Variants in CEP128 observed in about 807,000 individuals in gnomAD.
The protein encoded by CEP128 is centrosomal protein 128, also known as centrosomal protein 128kDa.
Under a neutral mutation model 156.7 loss-of-function variants are expected in CEP128, and 132 were observed. The observed-to-expected ratio is 0.84, with a 90% CI of 0.73 to 0.97. CEP128 has a LOEUF of 0.97. Ranked by LOEUF, CEP128 falls within the 50% of genes least tolerant of loss-of-function variation. The pLI, the probability that CEP128 is intolerant of heterozygous loss-of-function variation, is 0.00. For synonymous variants in CEP128, 469 were observed against 448.9 expected (o/e 1.04, Z -0.57); for missense variants, 1,252 against 1,281.9 (o/e 0.98, Z 0.36).
chr14:80,502,664 T>C (rs907763993), intron 24 of CEP128, among the ~76,000 whole-genome samples: 1 of 152,172 alleles, frequency 6.6e-6, no homozygotes, highest in African/African-American at 2.4e-5. Flanking sequence ...TTGTTAAATG[T>C]AGTGGATTTA....
At chr14:80,831,343 G>T in intron 12 of CEP128, 49 bp from the exon 13 acceptor site, 1 of 1,582,394 alleles carries the variant, frequency 6.3e-7, no homozygotes, top group Non-Finnish European at 8.7e-7. Context: ...ATTCACAGAA[G>T]AATGTACTTT....
At chr14:80,719,654 T>C (rs1897740097) in intron 19 of CEP128, among the ~76,000 whole-genome samples, 2 of 152,102 alleles carry the variant, frequency 1.3e-5, no homozygotes, top group Non-Finnish European at 2.9e-5. Context: ...CAGAATTCAT[T>C]AGAAGAAAGA....
intron 19 of CEP128, among the ~76,000 whole-genome samples, chr14:80,729,058 G>GGGGGGGTGT (rs1898141728): frequency 2.9e-5 from 3 of 105,024 alleles, no homozygotes; most frequent in African/African-American, 1.5e-4. Flanking sequence ...GGCTGGTGGG[G>GGGGGGGTGT]GTGTGTGTGT....
chr14:80,807,200 A>T (rs1231269058), intron 13 of CEP128, among the ~76,000 whole-genome samples: 1 of 152,174 alleles, frequency 6.6e-6, no homozygotes, highest in Non-Finnish European at 1.5e-5. Flanking sequence ...TCAAATAATT[A>T]AAGTAAAATC....
At chr14:80,577,955 A>T (rs192737479) in intron 20 of CEP128, among the ~76,000 whole-genome samples, 1 of 152,252 alleles carries the variant, frequency 6.6e-6, no homozygotes, top group Admixed American at 6.5e-5. Context: ...CCTAGTTATC[A>T]TTCCAACATT....
intron 13 of CEP128, among the ~76,000 whole-genome samples, chr14:80,811,697 GTGTGTGTT>G (rs139155529): frequency 0.064 from 9,739 of 151,694 alleles, 1,027 homozygotes; most frequent in African/African-American, 0.22. Flanking sequence ...GTGTGTGTGT[GTGTGTGTT>G]TGAGAGTGTG....
chr14:80,869,207 G>C (rs1887914286), intron 8 of CEP128, among the ~76,000 whole-genome samples: 1 of 151,882 alleles, frequency 6.6e-6, no homozygotes, highest in Admixed American at 6.6e-5. Flanking sequence ...ACATTCTCCA[G>C]GATAGATCAT....
At chr14:80,687,216 C>T (rs1477042263) in intron 19 of CEP128, among the ~76,000 whole-genome samples, 1 of 152,084 alleles carries the variant, frequency 6.6e-6, no homozygotes, top group African/African-American at 2.4e-5. Context: ...GAAATCATAA[C>T]AAACACTCTC....
intron 19 of CEP128, among the ~76,000 whole-genome samples, chr14:80,737,903 G>GATGATAA (rs1466331480): frequency 6.6e-6 from 1 of 151,934 alleles, no homozygotes; most frequent in African/African-American, 2.4e-5. Context: ...CAATCAATCC[G>GATGATAA]ATGATAAATT....
At chr14:80,511,979 T>G (rs1701841053) in intron 23 of CEP128, among the ~76,000 whole-genome samples, 1 of 152,068 alleles carries the variant, frequency 6.6e-6, no homozygotes, top group Admixed American at 6.5e-5. Context: ...TAAAGAACTG[T>G]TTTGTGCCAA....
At chr14:80,814,815 T>C (rs1884755932) in intron 13 of CEP128, among the ~76,000 whole-genome samples, 1 of 152,124 alleles carries the variant, frequency 6.6e-6, no homozygotes, top group South Asian at 2.1e-4. Flanking sequence ...TCCCAGCACT[T>C]TGGGAGGCTG....
At chr14:80,876,600 A>AG (rs1595533668) in intron 8 of CEP128, among the ~76,000 whole-genome samples, 2 of 151,614 alleles carry the variant, frequency 1.3e-5, no homozygotes, top group East Asian at 3.9e-4. Flanking sequence ...CCCATTTCAA[A>AG]AAAAAAAAAA....
intron 14 of CEP128, among the ~76,000 whole-genome samples, chr14:80,792,182 G>A (rs754303079): frequency 3.2e-4 from 48 of 152,178 alleles, no homozygotes; most frequent in Admixed American, 1.3e-4. Context: ...AGTGAAATGC[G>A]TTTTGTTGCT....
At chr14:80,871,307 T>C (rs1020459997) in intron 8 of CEP128, among the ~76,000 whole-genome samples, 4 of 152,248 alleles carry the variant, frequency 2.6e-5, no homozygotes, top group Admixed American at 2.6e-4. Context: ...AGGGACCAAC[T>C]TCATTGGATG....
intron 20 of CEP128, among the ~76,000 whole-genome samples, chr14:80,560,025 A>C (rs1890602296): frequency 6.6e-6 from 1 of 152,232 alleles, no homozygotes; most frequent in South Asian, 2.1e-4. Context: ...TCTTCACCAA[A>C]TAAAGACTGA....
rs540593415 is a variant in CEP128 at position 80,563,524 on chromosome 14, C to CTTTTTTTTTTTTTTTTTT, written c.2857-4240_2857-4223dup. Reference sequence around the variant, plus strand: ...GAAGCCTACCCATGGGCCTCCAAATCTTTTTTTTTTTTTTTTTTTTTTTTT... The same window carrying CTTTTTTTTTTTTTTTTTT: ...GAAGCCTACCCATGGGCCTCCAAATCTTTTTTTTTTTTTTTTTTTTTTTTTTTTTTTTTTTTTTTTTTT... On this transcript the variant is annotated intron_variant, in intron 20 of 24. Transcript: ENST00000555265. Among the ~76,000 whole-genome samples, 21 of 78,874 alleles carry CTTTTTTTTTTTTTTTTTT rather than the reference C, an allele frequency of 2.7e-4. 2 individuals carry two copies. Among genetic ancestry groups the CTTTTTTTTTTTTTTTTTT allele is most frequent in the African/African-American group, 7.7e-4 (13 of 16,976 alleles). 51.7% of individuals were successfully genotyped at this position (78,874 alleles called of 152,430 possible). A position where few individuals can be genotyped will look rare whatever the true frequency, so the allele number is the denominator to read the frequency against.
intron 14 of CEP128, among the ~76,000 whole-genome samples, chr14:80,482,048 T>C (rs1260001741): frequency 6.6e-6 from 1 of 152,222 alleles, no homozygotes; most frequent in African/African-American, 2.4e-5. Flanking sequence ...GGTGGGAGAA[T>C]CGCTTTTTAA....
At chr14:80,810,632 CAG>C (rs2139941463) in intron 13 of CEP128, among the ~76,000 whole-genome samples, 1 of 152,146 alleles carries the variant, frequency 6.6e-6, no homozygotes, top group South Asian at 2.1e-4. Flanking sequence ...GTTTTGGTAA[CAG>C]AGTAATGTTG....
At chr14:80,953,143 T>C (rs1273493873) in intron 2 of CEP128, among the ~76,000 whole-genome samples, 3 of 152,224 alleles carry the variant, frequency 2.0e-5, no homozygotes, top group Admixed American at 2.0e-4. Flanking sequence ...TCCCAACTTA[T>C]TCTGTGATGG....
Sources: gnomAD v4.1 joint callset for allele counts (sites outside exome capture counted in the v4.1 genomes callset) on GRCh38, gnomAD v4.1.1 for gene constraint, MANE v1.5 for transcripts, NCBI Gene and HGNC (gene_info 2026-07-23, HGNC 2026-07-21) for gene names.